Variants in CHD2 observed in about 807,000 individuals in gnomAD.
CHD2 encodes chromodomain helicase DNA binding protein 2, also known as ATP-dependent chromatin remodeler CHD2.
A neutral mutation model predicts 243.9 loss-of-function variants in CHD2; 28 were observed. The observed-to-expected ratio is 0.11, with a 90% CI of 0.09 to 0.16. The LOEUF is 0.16. Among genes scored for constraint, CHD2 ranks in the 10% least tolerant of loss-of-function variants. The pLI, the probability that CHD2 is intolerant of heterozygous loss-of-function variation, is 1.00. For missense variants in CHD2, 1,386 were observed against 2,209.8 expected (o/e 0.63, Z 7.47); for synonymous variants, 775 against 779.0 (o/e 0.99, Z 0.09).
intron 24 of CHD2, among the ~76,000 whole-genome samples, chr15:92,981,733 T>G (rs1377434829): frequency 6.6e-6 from 1 of 151,972 alleles, no homozygotes; most frequent in African/African-American, 2.4e-5. Context: ...CAGGACAGAG[T>G]GTAGAACCAG....
intron 35 of CHD2, among the ~76,000 whole-genome samples, chr15:93,009,950 G>T (rs2054369372): frequency 6.6e-6 from 1 of 152,194 alleles, no homozygotes; most frequent in Admixed American, 6.5e-5. Context: ...CTCTTTAGTG[G>T]TGATTTCCGA....
intron 38 of CHD2, 165 bp downstream of exon 38, chr15:93,020,423 T>C: frequency 2.3e-6 from 2 of 888,510 alleles, no homozygotes; most frequent in Non-Finnish European, 3.4e-6. Flanking sequence ...GGTTTTATGT[T>C]TTGTTTTGTG....
intron 14 of CHD2, chr15:92,954,157 A>G (rs1263766481): frequency 1.3e-5 from 2 of 153,166 alleles, no homozygotes; most frequent in Non-Finnish European, 2.9e-5. Flanking sequence ...AACTTTTTTT[A>G]AAGCACCTAC....
intron 24 of CHD2, among the ~76,000 whole-genome samples, chr15:92,983,334 C>G (rs927733458): frequency 2.0e-5 from 3 of 152,166 alleles, no homozygotes; most frequent in African/African-American, 7.2e-5. Context: ...GGCCTTTAAC[C>G]ACGATGTCCC....
At chr15:92,908,062 C>G (rs1214083021) in intron 2 of CHD2, among the ~76,000 whole-genome samples, 1 of 129,420 alleles carries the variant, frequency 7.7e-6, no homozygotes, top group Non-Finnish European at 1.6e-5. Context: ...GCATATGACT[C>G]TTCCTGGACT....
intron 20 of CHD2, among the ~76,000 whole-genome samples, chr15:92,976,898 C>CAA (rs749191067): frequency 6.4e-5 from 8 of 124,544 alleles, no homozygotes; most frequent in African/African-American, 2.4e-4. Context: ...GACCCTGTCT[C>CAA]AAAAAAAAAA....
At chr15:92,928,923 T>C in intron 4 of CHD2, 107 bp from the exon 5 acceptor site, 3 of 961,176 alleles carry the variant, frequency 3.1e-6, no homozygotes, top group Non-Finnish European at 4.5e-6. Context: ...TAAAAGCTCA[T>C]ATTGAATAAT....
intron 16 of CHD2, among the ~76,000 whole-genome samples, 160 bp from the exon 17 acceptor site, chr15:92,967,165 T>C (rs1275659970): frequency 6.6e-6 from 1 of 152,120 alleles, no homozygotes; most frequent in Non-Finnish European, 1.5e-5. Context: ...ATGGAGTTGA[T>C]TTCATTTTAC....
chr15:92,949,088 A>C lies in CHD2; in HGVS notation c.1502+12A>C. 6.2e-7 allele frequency: 1 copy of C among 1,606,880 alleles called. No homozygotes were observed. The highest frequency in any genetic ancestry group is 8.5e-7 in the Non-Finnish European group (1 of 1,178,360). On this transcript the variant is annotated intron_variant, in intron 13 of 38. Transcript: ENST00000394196. ...CATTCCTGGTGCAAGTAGGTAGAAA[A>C]ATATGAGTGCAATTTTCCTTACTGT... is the stretch of plus-strand genomic sequence containing the variant.
intron 37 of CHD2, among the ~76,000 whole-genome samples, chr15:93,019,367 A>G (rs1256717555): frequency 6.6e-6 from 1 of 152,206 alleles, no homozygotes; most frequent in Non-Finnish European, 1.5e-5. Context: ...TTGGAAGGTT[A>G]AACAGGTATG....
At chr15:92,937,839 C>T (rs767209877) in intron 6 of CHD2, among the ~76,000 whole-genome samples, 5 of 152,206 alleles carry the variant, frequency 3.3e-5, no homozygotes, top group South Asian at 2.1e-4. Flanking sequence ...ACATGTCTTC[C>T]GCTTTTAGTA....
chr15:92,979,076 T>C, intron 21 of CHD2, 59 bp from the exon 22 acceptor site: 1 of 1,581,858 alleles, frequency 6.3e-7, no homozygotes. Flanking sequence ...CCTTCTCTCT[T>C]TTTTTGGGGG....
At position 93,025,570 on chromosome 15, in the gene CHD2, A is replaced by C. The variant is rs1333535076; in HGVS notation, c.*865A>C. Reference sequence around the variant, plus strand: ...GAGGGGTAGGGTGGGGTAGGTGGGGAGTAGTGTGGCCAGGGAACTGGAATC... The same window carrying C: ...GAGGGGTAGGGTGGGGTAGGTGGGGCGTAGTGTGGCCAGGGAACTGGAATC... On this transcript the variant is annotated 3_prime_UTR_variant, in exon 39 of 39. Transcript: ENST00000394196. The C allele has an allele frequency of 6.6e-6, 1 of 152,432 alleles. No homozygotes were observed. Among genetic ancestry groups the C allele is most frequent in the Non-Finnish European group, 1.5e-5 (1 of 68,068 alleles). 9.4% of individuals were successfully genotyped at this position (152,432 alleles called of 1,614,324 possible).
intron 3 of CHD2, among the ~76,000 whole-genome samples, chr15:92,925,466 GT>G (rs2053041629): frequency 6.6e-6 from 1 of 152,228 alleles, no homozygotes; most frequent in African/African-American, 2.4e-5. Context: ...AGTCATAATA[GT>G]TGAGCTAGAA....
At chr15:92,936,866 TA>T (rs2053275757) in intron 5 of CHD2, among the ~76,000 whole-genome samples, 1 of 151,576 alleles carries the variant, frequency 6.6e-6, no homozygotes, top group Admixed American at 6.6e-5. Context: ...GAGGGGCAGA[TA>T]GGGGCAGGGT....
At chr15:92,960,240 A>G (rs1011763679) in intron 16 of CHD2, among the ~76,000 whole-genome samples, 5 of 152,016 alleles carry the variant, frequency 3.3e-5, no homozygotes, top group African/African-American at 1.2e-4. Context: ...GTGTGTGTAT[A>G]TTGTTCTGTA....
At chr15:92,905,721 C>G (rs988414647) in intron 2 of CHD2, among the ~76,000 whole-genome samples, 2 of 152,172 alleles carry the variant, frequency 1.3e-5, no homozygotes, top group African/African-American at 2.4e-5. Flanking sequence ...ATTGCTTTTT[C>G]TGTTACAGAG....
intron 36 of CHD2, 150 bp from the exon 37 acceptor site, chr15:93,014,546 A>G: frequency 1.5e-6 from 1 of 666,174 alleles, no homozygotes; most frequent in Non-Finnish European, 2.6e-6. Flanking sequence ...AGTGGAATTT[A>G]TGAGCCTTTT....
chr15:92,951,704 T>C (rs964431522), intron 13 of CHD2, among the ~76,000 whole-genome samples: 19 of 152,268 alleles, frequency 1.2e-4, no homozygotes, highest in African/African-American at 4.3e-4. Context: ...CTGAATAGTA[T>C]TGAAAAGTGA....
Sources: gnomAD v4.1 joint callset for allele counts (sites outside exome capture counted in the v4.1 genomes callset) on GRCh38, gnomAD v4.1.1 for gene constraint, MANE v1.5 for transcripts, NCBI Gene and HGNC (gene_info 2026-07-23, HGNC 2026-07-21) for gene names.